CGNL1: variants seen among roughly 807,000 people sequenced by gnomAD.
CGNL1 encodes cingulin-like protein 1.
CGNL1 carries 132 observed loss-of-function variants against 141.2 expected under a neutral mutation model. The ratio of observed to expected loss-of-function variants is 0.93; its 90% CI spans 0.81 to 1.08. The LOEUF (loss-of-function observed/expected upper bound fraction) is 1.08. CGNL1 is among the 50% of genes least tolerant of loss of function. The pLI is 0.00. For missense variants in CGNL1, 1,870 were observed against 1,588.6 expected (o/e 1.18, Z -3.01); for synonymous variants, 690 against 622.1 (o/e 1.11, Z -1.63).
chr15:57,507,145 G>A (rs1247632811), intron 8 of CGNL1, among the ~76,000 whole-genome samples: 1 of 152,104 alleles, frequency 6.6e-6, no homozygotes, highest in African/African-American at 2.4e-5. Context: ...TGCCTATTCT[G>A]GACATTTTGT....
At chr15:57,500,876 T>C (rs777938572) in intron 8 of CGNL1, among the ~76,000 whole-genome samples, 30 of 152,126 alleles carry the variant, frequency 2.0e-4, no homozygotes, top group Non-Finnish European at 3.7e-4. Context: ...TGTTTGGAAG[T>C]TGAAGGAATT....
chr15:57,518,311 C>T (rs536123557), intron 9 of CGNL1, 82 bp from the exon 10 acceptor site: 38 of 1,011,404 alleles, frequency 3.8e-5, no homozygotes, highest in African/African-American at 1.3e-4. Context: ...TGGGTGTCTT[C>T]GGTGTTCATT....
At chr15:57,524,243 C>G (rs1321168379) in intron 11 of CGNL1, among the ~76,000 whole-genome samples, 1 of 152,206 alleles carries the variant, frequency 6.6e-6, no homozygotes, top group Non-Finnish European at 1.5e-5. Context: ...GACAACAACC[C>G]TGTAAGGTAG....
At chr15:57,460,121 A>C (rs1255874624) in intron 7 of CGNL1, among the ~76,000 whole-genome samples, 1 of 152,226 alleles carries the variant, frequency 6.6e-6, no homozygotes, top group Non-Finnish European at 1.5e-5. Flanking sequence ...ATCAAAGAAG[A>C]AACAGCCTGA....
chr15:57,440,982 C>G (rs1178525629), intron 3 of CGNL1, among the ~76,000 whole-genome samples: 1 of 151,570 alleles, frequency 6.6e-6, no homozygotes, highest in East Asian at 1.9e-4. Flanking sequence ...GGGTTTCAGC[C>G]CTTACTTAGA....
chr15:57,487,852 T>C (rs2063805720), intron 8 of CGNL1, among the ~76,000 whole-genome samples: 1 of 152,230 alleles, frequency 6.6e-6, no homozygotes, highest in African/African-American at 2.4e-5. Context: ...TATTCTACAG[T>C]CTCTGGATAT....
chr15:57,545,630 A>G lies in CGNL1; in HGVS notation c.3539A>G (p.Glu1180Gly), dbSNP rs1337046461. 2.5e-6 allele frequency: 4 copies of G among 1,613,540 alleles called. No homozygotes were observed. Among genetic ancestry groups the G allele is most frequent in the Non-Finnish European group, 2.5e-6 (3 of 1,179,940 alleles). Reference sequence around the variant, plus strand: ...CTTCAGCTCAGCAACCGGCGGCTGGAGCGGAAAGTGAAGGAGCTGGTGATG... The same window carrying G: ...CTTCAGCTCAGCAACCGGCGGCTGGGGCGGAAAGTGAAGGAGCTGGTGATG... ...ANLQLSNRRL[E>G]RKVKELVMQV... The change falls in exon 17 of 19, where the codon GAG becomes GGG. Residue 1180 changes from glutamate to glycine, a missense_variant. Transcript: ENST00000281282.
At chr15:57,528,910 G>A in intron 13 of CGNL1, 95 bp downstream of exon 13, 1 of 1,362,184 alleles carries the variant, frequency 7.3e-7, no homozygotes, top group Non-Finnish European at 9.9e-7. Flanking sequence ...CAGCCTTTGG[G>A]AAGTCTTGGA....
At chr15:57,546,296 C>T in intron 18 of CGNL1, 57 bp downstream of exon 18, 1 of 1,492,858 alleles carries the variant, frequency 6.7e-7, no homozygotes, top group East Asian at 2.5e-5. Flanking sequence ...TTGAGACAGG[C>T]TCTGCTTTCA....
intron 1 of CGNL1, among the ~76,000 whole-genome samples, chr15:57,413,951 T>A (rs1236926777): frequency 6.6e-6 from 1 of 152,224 alleles, no homozygotes; most frequent in Non-Finnish European, 1.5e-5. Flanking sequence ...TGTGTTGTAG[T>A]ACCCGGGGCT....
In CGNL1 at chr15:57,424,811, C is replaced by T. The variant is rs116638946; in HGVS notation, c.-15-13174C>T. The stretch of plus-strand genomic sequence containing the variant: ...GCATCTCATTGTACAAGGTAGGTAA[C>T]ATCTGTGCAATGAAATCATGACTTG... On this transcript the variant is annotated intron_variant, in intron 1 of 18. Transcript: ENST00000281282. 3.1e-3 allele frequency among the ~76,000 whole-genome samples: 470 copies of T among 152,296 alleles called. 5 individuals are homozygous for T. The highest frequency in any genetic ancestry group is 0.011 in the African/African-American group (458 of 41,560).
intron 18 of CGNL1, 55 bp from the exon 19 acceptor site, chr15:57,547,300 T>C: frequency 1.3e-6 from 2 of 1,595,416 alleles, no homozygotes; most frequent in Non-Finnish European, 8.5e-7. Context: ...TAAGTCCAAA[T>C]TAGCTATGGG....
chr15:57,444,256 T>G (rs2063225258), intron 4 of CGNL1, among the ~76,000 whole-genome samples: 1 of 152,214 alleles, frequency 6.6e-6, no homozygotes, highest in Admixed American at 6.5e-5. Flanking sequence ...GATTCATTAG[T>G]GTTGCATGTA....
chr15:57,385,026 TTTC>T (rs1361554349), intron 1 of CGNL1, among the ~76,000 whole-genome samples: 1 of 152,206 alleles, frequency 6.6e-6, no homozygotes, highest in Non-Finnish European at 1.5e-5. Context: ...GCTTAAAGCA[TTTC>T]TTATCTGAAG....
intron 1 of CGNL1, among the ~76,000 whole-genome samples, chr15:57,377,358 A>T (rs964826937): frequency 9.2e-5 from 14 of 152,156 alleles, no homozygotes; most frequent in Non-Finnish European, 1.6e-4. Flanking sequence ...GGAGAGTTTT[A>T]AAAAATACTG....
In CGNL1 at chr15:57,439,208, C is replaced by G; in HGVS notation, c.1209C>G (p.Tyr403Ter). Residue 403 changes from tyrosine (Y) to a stop codon, truncating the protein, a stop_gained, in exon 2 of 19, where the codon TAC becomes TAG. Coordinates refer to ENST00000281282, the MANE Select transcript of CGNL1 (RefSeq NM_032866.5). LOFTEE classifies it high-confidence loss of function. Reference sequence around the variant, plus strand: ...TTGGCCTCCAAGGGAACTCGGAGTACCTGATTGAATTCAGTAGGAACTTGG... The same window carrying G: ...TTGGCCTCCAAGGGAACTCGGAGTAGCTGATTGAATTCAGTAGGAACTTGG... The part of the protein sequence containing the change: ...FPFGLQGNSE[Y>*]LIEFSRNLGK... 6.2e-7 allele frequency: 1 copy of G among 1,614,154 alleles called. No homozygotes were observed. The highest frequency in any genetic ancestry group is 8.5e-7 in the Non-Finnish European group (1 of 1,180,020).
intron 8 of CGNL1, among the ~76,000 whole-genome samples, chr15:57,515,582 A>G (rs1329491701): frequency 6.6e-6 from 1 of 152,110 alleles, no homozygotes; most frequent in Non-Finnish European, 1.5e-5. Flanking sequence ...GTAGTGGAGA[A>G]ATGGAGGACA....
intron 14 of CGNL1, among the ~76,000 whole-genome samples, chr15:57,535,194 C>A (rs2140197866): frequency 6.6e-6 from 1 of 152,306 alleles, no homozygotes; most frequent in East Asian, 1.9e-4. Flanking sequence ...ATTTCCAAGG[C>A]AGTGCTCTAT....
chr15:57,426,925 T>C (rs1329756832), intron 1 of CGNL1, among the ~76,000 whole-genome samples: 1 of 152,088 alleles, frequency 6.6e-6, no homozygotes, highest in Non-Finnish European at 1.5e-5. Context: ...GGGCAGAAGA[T>C]GAAGGCTGGA....
Sources: gnomAD v4.1 joint callset for allele counts (sites outside exome capture counted in the v4.1 genomes callset) on GRCh38, gnomAD v4.1.1 for gene constraint, MANE v1.5 for transcripts, NCBI Gene and HGNC (gene_info 2026-07-23, HGNC 2026-07-21) for gene names.